CLDN10: variants seen among roughly 807,000 people sequenced by gnomAD.
The protein encoded by CLDN10 is claudin-10.
Under a neutral mutation model 22.9 loss-of-function variants are expected in CLDN10, and 15 were observed. The ratio of observed to expected loss-of-function variants is 0.65; its 90% CI spans 0.44 to 1.01. The LOEUF is 1.01. CLDN10 is among the 50% of genes least tolerant of loss of function. The pLI, the probability that CLDN10 is intolerant of heterozygous loss-of-function variation, is 0.00. For synonymous variants in CLDN10, 114 were observed against 111.4 expected (o/e 1.02, Z -0.15); for missense variants, 247 against 287.8 (o/e 0.86, Z 1.03).
Position 95,450,841 on chromosome 13 carries a change from C to T in CLDN10, c.214+16794C>T, listed in dbSNP as rs181281382. The stretch of plus-strand genomic sequence containing the variant: ...AAAAAGAAACATATTCACTGTTCTA[C>T]TTGCTCGAATCAAGGCTACAGATGA... On this transcript the variant is annotated intron_variant, in intron 1 of 4. Coordinates refer to the CLDN10 transcript ENST00000376873. Among the ~76,000 whole-genome samples the T allele has an allele frequency of 3.3e-5, 5 of 152,364 alleles. No individual in the cohort carries two copies. In the East Asian group the frequency reaches 9.6e-4, roughly 29 times the overall value.
chr13:95,492,045 C>G (rs1221711412), intron 1 of CLDN10, among the ~76,000 whole-genome samples: 2 of 152,138 alleles, frequency 1.3e-5, no homozygotes. Context: ...GCCATGGATA[C>G]CAGCACCTGT....
At chr13:95,460,555 C>T (rs2042526317) in intron 1 of CLDN10, among the ~76,000 whole-genome samples, 1 of 152,184 alleles carries the variant, frequency 6.6e-6, no homozygotes, top group Non-Finnish European at 1.5e-5. Context: ...TGAAAACTCA[C>T]TCAATGCCAC....
chr13:95,520,938 C>G (rs1225724152), intron 1 of CLDN10, among the ~76,000 whole-genome samples: 1 of 151,182 alleles, frequency 6.6e-6, no homozygotes, highest in Non-Finnish European at 1.5e-5. Context: ...GCACTCCAGC[C>G]TGGGCGACAG....
rs894373982 is a variant in CLDN10, at chr13:95,501,378, G to A, written c.215-58754G>A. Among the ~76,000 whole-genome samples, 3 of 152,236 alleles carry A rather than the reference G, an allele frequency of 2.0e-5. No individual in the cohort carries two copies. The East Asian group carries it at 5.8e-4, about 29-fold the overall frequency. On this transcript the variant is annotated intron_variant, in intron 1 of 4. Transcript: ENST00000376873. ...TCTCAGGCTGGAGTACAGTGGTGCGGTCGTAGCTCACTGCAGCTTTGACCT... is the reference window on the plus strand; with the variant it reads ...TCTCAGGCTGGAGTACAGTGGTGCGATCGTAGCTCACTGCAGCTTTGACCT...
At chr13:95,502,576 G>C (rs1255351059) in intron 1 of CLDN10, among the ~76,000 whole-genome samples, 1 of 152,158 alleles carries the variant, frequency 6.6e-6, no homozygotes, top group East Asian at 1.9e-4. Flanking sequence ...CTAGAGTGCA[G>C]TGGCATGATC....
chr13:95,504,740 G>C (rs547265346), intron 1 of CLDN10, among the ~76,000 whole-genome samples: 5 of 151,950 alleles, frequency 3.3e-5, no homozygotes, highest in Admixed American at 1.3e-4. Context: ...ATCTCACTAT[G>C]TTGCCCGGGA....
chr13:95,451,848 T>G (rs534624589), intron 1 of CLDN10, among the ~76,000 whole-genome samples: 33 of 152,362 alleles, frequency 2.2e-4, no homozygotes, highest in African/African-American at 7.7e-4. Context: ...CTTTCCAGGT[T>G]CACCTTCCTT....
chr13:95,451,835 A>G (rs1218570303), intron 1 of CLDN10, among the ~76,000 whole-genome samples: 2 of 152,186 alleles, frequency 1.3e-5, no homozygotes, highest in South Asian at 4.1e-4. Context: ...CAGGGCATGG[A>G]GACTTTCCAG....
chr13:95,569,027 A>T (rs770199845), intron 3 of CLDN10, among the ~76,000 whole-genome samples: 24 of 152,158 alleles, frequency 1.6e-4, no homozygotes, highest in Non-Finnish European at 2.8e-4. Context: ...GGCTGTTGTC[A>T]GGATTAAATG....
intron 1 of CLDN10, among the ~76,000 whole-genome samples, chr13:95,443,663 G>A (rs1471881069): frequency 6.6e-6 from 1 of 152,202 alleles, no homozygotes; most frequent in Non-Finnish European, 1.5e-5. Context: ...AGGCTTTGGA[G>A]TGTAGGAGCC....
chr13:95,461,058 G>T (rs2042532141), intron 1 of CLDN10, among the ~76,000 whole-genome samples: 1 of 152,152 alleles, frequency 6.6e-6, no homozygotes, highest in Admixed American at 6.5e-5. Context: ...GTTGCAGTGA[G>T]CCGAGATCAG....
chr13:95,477,653 T>A (rs2042697850), intron 1 of CLDN10, among the ~76,000 whole-genome samples: 1 of 152,162 alleles, frequency 6.6e-6, no homozygotes, highest in Non-Finnish European at 1.5e-5. Flanking sequence ...AAGGTGCACA[T>A]GCGGAAACAC....
At chr13:95,538,926 C>T (rs943293559) in intron 1 of CLDN10, among the ~76,000 whole-genome samples, 49 of 152,130 alleles carry the variant, frequency 3.2e-4, no homozygotes, top group Non-Finnish European at 4.4e-5. Context: ...GTCGCTCAGG[C>T]TGGAGTGCAG....
At chr13:95,506,421 A>T (rs1270729571) in intron 1 of CLDN10, among the ~76,000 whole-genome samples, 1 of 152,206 alleles carries the variant, frequency 6.6e-6, no homozygotes, top group East Asian at 1.9e-4. Context: ...AGACGCAGGC[A>T]TCCAAAAGGA....
intron 1 of CLDN10, among the ~76,000 whole-genome samples, chr13:95,501,259 C>CT (rs2042981471): frequency 6.6e-6 from 1 of 152,146 alleles, no homozygotes. Flanking sequence ...ACTGATCCAC[C>CT]CGACTTGGCC....
At position 95,508,584 on chromosome 13, in the gene CLDN10, A is replaced by G. The variant is rs2043062603; in HGVS notation, c.215-51548A>G. ...AGGACATGGTTCTTGCCATGAGGTA[A>G]GGAAGGCGGACAACCGCCCAACTGT... On this transcript the variant is annotated intron_variant, in intron 1 of 4. Transcript: ENST00000376873. Among the ~76,000 whole-genome samples the G allele has an allele frequency of 3.3e-5, 5 of 152,384 alleles. No homozygotes were observed. In the South Asian group the frequency reaches 1.0e-3, roughly 32 times the overall value.
chr13:95,574,098 AT>A (rs1225199909), intron 3 of CLDN10, among the ~76,000 whole-genome samples: 1 of 152,038 alleles, frequency 6.6e-6, no homozygotes, highest in Admixed American at 6.5e-5. Context: ...TATGTGCCAC[AT>A]TTTCTTAATC....
chr13:95,499,661 G>A (rs1259117627), intron 1 of CLDN10, among the ~76,000 whole-genome samples: 1 of 152,224 alleles, frequency 6.6e-6, no homozygotes, highest in Non-Finnish European at 1.5e-5. Context: ...GCTGCCAGTG[G>A]AGGTGGAAGG....
chr13:95,482,142 T>A (rs2042754586), intron 1 of CLDN10, among the ~76,000 whole-genome samples: 1 of 152,222 alleles, frequency 6.6e-6, no homozygotes, highest in Non-Finnish European at 1.5e-5. Context: ...TGTTACATGA[T>A]GTGCTTATTT....
Sources: allele counts gnomAD v4.1 joint callset (sites outside exome capture counted in the v4.1 genomes callset), GRCh38; gene constraint gnomAD v4.1.1; transcripts MANE v1.5; gene names NCBI Gene and HGNC (gene_info 2026-07-23, HGNC 2026-07-21).